The following SLIT3 variants were observed in gnomAD, a reference collection of about 807,000 sequenced individuals.
SLIT3 encodes the protein slit guidance ligand 3, also known as slit homolog 3 protein.
In SLIT3, 68 loss-of-function variants were observed where a neutral mutation model predicts 184.0. The observed-to-expected ratio is 0.37, with a 90% confidence interval of 0.30 to 0.45. The LOEUF (loss-of-function observed/expected upper bound fraction) is 0.45. Ranked by LOEUF, SLIT3 falls within the 20% of genes least tolerant of loss-of-function variation. SLIT3 has a pLI of 1.00. For synonymous variants in SLIT3, 831 were observed against 828.6 expected (o/e 1.00, Z -0.05); for missense variants, 1,707 against 2,026.0 (o/e 0.84, Z 3.02).
intron 1 of SLIT3, among the ~76,000 whole-genome samples, chr5:169,264,750 T>G (rs577248289): frequency 1.3e-5 from 2 of 152,188 alleles, no homozygotes; most frequent in Non-Finnish European, 2.9e-5. Flanking sequence ...ACAGGAGGCA[T>G]TATTAACTAT....
chr5:168,751,099 T>C (rs1349533969), intron 18 of SLIT3, among the ~76,000 whole-genome samples: 3 of 151,388 alleles, frequency 2.0e-5, no homozygotes, highest in African/African-American at 7.3e-5. Flanking sequence ...AGTTCCAAGG[T>C]TGGAGTGGGC....
intron 5 of SLIT3, among the ~76,000 whole-genome samples, chr5:168,845,794 T>C (rs111441842): frequency 0.015 from 2,219 of 152,300 alleles, 58 homozygotes; most frequent in African/African-American, 0.051. Context: ...TGACACCAGA[T>C]TGTTGTACTC....
chr5:168,927,487 AGAT>A (rs1761867369), intron 4 of SLIT3, among the ~76,000 whole-genome samples: 1 of 152,248 alleles, frequency 6.6e-6, no homozygotes, highest in African/African-American at 2.4e-5. Flanking sequence ...ACATACTTAA[AGAT>A]GATTAAGATA....
intron 4 of SLIT3, among the ~76,000 whole-genome samples, chr5:168,974,934 C>T (rs1021917003): frequency 3.3e-5 from 5 of 152,184 alleles, no homozygotes; most frequent in Non-Finnish European, 7.4e-5. Context: ...CTTCTAGAAA[C>T]CCTGTTCATT....
chr5:169,090,815 C>A (rs1469845013), intron 4 of SLIT3, among the ~76,000 whole-genome samples: 1 of 152,210 alleles, frequency 6.6e-6, no homozygotes, highest in African/African-American at 2.4e-5. Context: ...GGAACAAATT[C>A]TCTGCTAGAG....
At chr5:168,734,686 T>C (rs1287338427) in intron 20 of SLIT3, among the ~76,000 whole-genome samples, 1 of 152,216 alleles carries the variant, frequency 6.6e-6, no homozygotes, top group Admixed American at 6.5e-5. Flanking sequence ...AGCCAAAGCA[T>C]TGGCTGTCTT....
chr5:168,840,773 C>A (rs979441182), intron 6 of SLIT3, among the ~76,000 whole-genome samples: 1 of 152,150 alleles, frequency 6.6e-6, no homozygotes, highest in Non-Finnish European at 1.5e-5. Context: ...ACCTTAAATG[C>A]CACAAAGTTG....
Position 168,897,646 on chromosome 5 carries a change from G to GCACACACACACACA in SLIT3, c.414-14311_414-14310insTGTGTGTGTGTGTG. Among the ~76,000 whole-genome samples, 489 of 105,428 alleles carry GCACACACACACACA rather than the reference G, an allele frequency of 4.6e-3. 5 individuals carry two copies. Among genetic ancestry groups the GCACACACACACACA allele is most frequent in the African/African-American group, 0.018 (432 of 23,806 alleles). The allele number at this position is 105,428 out of a possible 152,430, so 69.2% of individuals were successfully genotyped here. A position where few individuals can be genotyped will look rare whatever the true frequency, so the allele number is the denominator to read the frequency against. ...AGAAAGAGGATGGAGACAGGTGCAC[G>GCACACACACACACA]TACACACACACACACACACACACAC... On this transcript the variant is annotated intron_variant, in intron 4 of 35. Transcript: ENST00000519560.
chr5:168,917,132 A>G (rs1031526552), intron 4 of SLIT3, among the ~76,000 whole-genome samples: 4 of 152,338 alleles, frequency 2.6e-5, no homozygotes, highest in Admixed American at 2.6e-4. Flanking sequence ...AGGAATAGAC[A>G]GCGACCCAAC....
At chr5:168,900,884 C>T (rs1581193192) in intron 4 of SLIT3, among the ~76,000 whole-genome samples, 1 of 152,286 alleles carries the variant, frequency 6.6e-6, no homozygotes, top group East Asian at 1.9e-4. Flanking sequence ...CAGGTTCTCA[C>T]TTAGAAGTGG....
At chr5:169,234,879 G>A (rs1274561452) in intron 3 of SLIT3, among the ~76,000 whole-genome samples, 1 of 152,128 alleles carries the variant, frequency 6.6e-6, no homozygotes, top group Non-Finnish European at 1.5e-5. Context: ...CTTGTATTCT[G>A]ACATAAGGTT....
intron 9 of SLIT3, among the ~76,000 whole-genome samples, chr5:168,796,793 G>A (rs934102567): frequency 6.6e-6 from 1 of 152,074 alleles, no homozygotes; most frequent in African/African-American, 2.4e-5. Flanking sequence ...TTTGTTACTG[G>A]AACTGCTAAT....
At chr5:168,689,597 G>C (rs1021113839) in intron 29 of SLIT3, among the ~76,000 whole-genome samples, 3 of 152,230 alleles carry the variant, frequency 2.0e-5, no homozygotes, top group Admixed American at 2.0e-4. Context: ...CAAAGAATAA[G>C]TTAGCAGTAC....
intron 4 of SLIT3, among the ~76,000 whole-genome samples, chr5:169,075,201 G>T (rs142534942): frequency 1.3e-5 from 2 of 152,102 alleles, no homozygotes; most frequent in African/African-American, 4.8e-5. Flanking sequence ...TGGGATGATG[G>T]TGGGGTTTGA....
At chr5:168,914,319 T>C (rs1428624622) in intron 4 of SLIT3, among the ~76,000 whole-genome samples, 1 of 152,160 alleles carries the variant, frequency 6.6e-6, no homozygotes, top group Non-Finnish European at 1.5e-5. Context: ...TAGATCATAG[T>C]CCCAGAGGAA....
At chr5:169,112,912 C>T (rs935407198) in intron 4 of SLIT3, among the ~76,000 whole-genome samples, 4 of 152,182 alleles carry the variant, frequency 2.6e-5, no homozygotes, top group Non-Finnish European at 5.9e-5. Context: ...TCCTTCCATG[C>T]ACCCCTCAGG....
At chr5:168,787,884 C>A (rs1418023476) in intron 11 of SLIT3, among the ~76,000 whole-genome samples, 1 of 152,136 alleles carries the variant, frequency 6.6e-6, no homozygotes, top group African/African-American at 2.4e-5. Flanking sequence ...TCTGTCAGGC[C>A]AAGGATCCTG....
chr5:168,762,432 C>T, intron 15 of SLIT3, 107 bp downstream of exon 15: 3 of 1,217,018 alleles, frequency 2.5e-6, no homozygotes, highest in Admixed American at 1.9e-5. Context: ...ACAAACACCA[C>T]ATGACTGAGC....
intron 20 of SLIT3, among the ~76,000 whole-genome samples, chr5:168,738,226 G>A (rs143728716): frequency 6.6e-6 from 1 of 152,276 alleles, no homozygotes; most frequent in African/African-American, 2.4e-5. Context: ...TTGCACTGAT[G>A]GTACAAAATT....
Sources: allele counts gnomAD v4.1 joint callset (sites outside exome capture counted in the v4.1 genomes callset), GRCh38; gene constraint gnomAD v4.1.1; transcripts MANE v1.5; gene names NCBI Gene and HGNC (gene_info 2026-07-23, HGNC 2026-07-21).